The following CDKAL1 variants were observed in gnomAD, a reference collection of about 807,000 sequenced individuals.
CDKAL1 encodes the protein threonylcarbamoyladenosine tRNA methylthiotransferase.
In CDKAL1, 32 loss-of-function variants were observed where a neutral mutation model predicts 68.2. The ratio of observed to expected loss-of-function variants is 0.47; its 90% CI spans 0.35 to 0.63. CDKAL1 has a LOEUF of 0.63. CDKAL1 is among the 30% of genes least tolerant of loss of function. CDKAL1 has a pLI of 0.00. For synonymous variants in CDKAL1, 234 were observed against 244.3 expected, an observed-to-expected ratio of 0.96 and a Z score of 0.39; for missense variants, 606 against 696.7, an observed-to-expected ratio of 0.87 and a Z score of 1.47.
At chr6:20,639,839 T>C (rs918252147) in intron 4 of CDKAL1, among the ~76,000 whole-genome samples, 1 of 152,142 alleles carries the variant, frequency 6.6e-6, no homozygotes, top group Non-Finnish European at 1.5e-5. Flanking sequence ...CCCAACTAAT[T>C]TTTGTATTTT....
rs185084106 is a variant in CDKAL1, at chr6:21,015,677, A to T, written c.1055+15305A>T. On this transcript the variant is annotated intron_variant, in intron 11 of 15. Coordinates refer to ENST00000274695, the MANE Select transcript of CDKAL1 (RefSeq NM_017774.3). The stretch of plus-strand genomic sequence containing the variant: ...TGCGGTGGCTCACACCTGTAATCCC[A>T]GCACTTTGGGATGCTGAGGCAGGTG... Among the ~76,000 whole-genome samples the T allele has an allele frequency of 3.3e-3, 499 of 152,332 alleles. 2 individuals carry two copies. The highest frequency in any genetic ancestry group is 0.011 in the African/African-American group (456 of 41,582).
At chr6:21,151,528 A>T (rs553119257) in intron 13 of CDKAL1, among the ~76,000 whole-genome samples, 1 of 152,344 alleles carries the variant, frequency 6.6e-6, no homozygotes, top group African/African-American at 2.4e-5. Flanking sequence ...GAACTCAAAT[A>T]TCTACTAAAA....
chr6:20,762,172 A>G (rs1774498027), intron 7 of CDKAL1, among the ~76,000 whole-genome samples: 1 of 152,198 alleles, frequency 6.6e-6, no homozygotes, highest in Non-Finnish European at 1.5e-5. Context: ...TCTATGGGAA[A>G]TCATACAAGA....
intron 4 of CDKAL1, among the ~76,000 whole-genome samples, chr6:20,622,406 ATT>A (rs1767234595): frequency 6.6e-6 from 1 of 152,162 alleles, no homozygotes; most frequent in Non-Finnish European, 1.5e-5. Context: ...ATATTTGAGA[ATT>A]ATATCTGTTC....
rs967178520 is a variant in CDKAL1, at chr6:21,020,746, C to T, written c.1055+20374C>T. Among the ~76,000 whole-genome samples the T allele has an allele frequency of 6.0e-5, 9 of 149,928 alleles. No individual in the cohort carries two copies. The South Asian group carries it at 6.4e-4, about 11-fold the overall frequency. ...CCTCCCAAAGTGCTGGAATTACAGG[C>T]GTGAGCCACCGTGCCTGGCCTTTTT... On this transcript the variant is annotated intron_variant, in intron 11 of 15. Coordinates refer to ENST00000274695, the MANE Select transcript of CDKAL1 (RefSeq NM_017774.3).
chr6:20,549,826 C>T (rs1224163878), intron 4 of CDKAL1, among the ~76,000 whole-genome samples: 2 of 151,896 alleles, frequency 1.3e-5, no homozygotes, highest in African/African-American at 2.4e-5. Context: ...AGGCTAGTCT[C>T]GAACTCCTCA....
rs1183280421 is a variant in CDKAL1, at chr6:20,785,818, G to T, written c.638+4553G>T. ...TTTTCATTTTTCGTTTAGGAAAAGGGTCCCATTTGTAGCAACTTTTATTGT... is the reference window on the plus strand; with the variant it reads ...TTTTCATTTTTCGTTTAGGAAAAGGTTCCCATTTGTAGCAACTTTTATTGT... On this transcript the variant is annotated intron_variant, in intron 8 of 15. Coordinates refer to ENST00000274695, the MANE Select transcript of CDKAL1 (RefSeq NM_017774.3). 2.0e-5 allele frequency among the ~76,000 whole-genome samples: 3 copies of T among 152,178 alleles called. No homozygotes were observed. The East Asian group carries it at 5.8e-4, about 29-fold the overall frequency.
intron 4 of CDKAL1, among the ~76,000 whole-genome samples, chr6:20,597,811 G>T (rs111940687): frequency 0.032 from 4,920 of 152,252 alleles, 109 homozygotes; most frequent in Non-Finnish European, 0.045. Context: ...TTAATCTATT[G>T]TAATATTTAA....
chr6:21,082,506 T>C (rs1045017238), intron 12 of CDKAL1, among the ~76,000 whole-genome samples: 1 of 152,238 alleles, frequency 6.6e-6, no homozygotes, highest in Admixed American at 6.5e-5. Flanking sequence ...GACTTCATTC[T>C]TTCTTATTGG....
chr6:21,140,576 G>C (rs192743608), intron 13 of CDKAL1, among the ~76,000 whole-genome samples: 39 of 152,294 alleles, frequency 2.6e-4, no homozygotes, highest in African/African-American at 9.4e-4. Context: ...ACTCTATCAA[G>C]GGGCTATATG....
chr6:20,991,852 T>TAAAA (rs550170759), intron 10 of CDKAL1, among the ~76,000 whole-genome samples: 1 of 141,552 alleles, frequency 7.1e-6, no homozygotes, highest in African/African-American at 2.6e-5. Context: ...CCTGTCTCTT[T>TAAAA]AAAAAAAAAA....
At position 20,947,316 on chromosome 6, in the gene CDKAL1, C is replaced by T. The variant is rs138013374; in HGVS notation, c.743-8103C>T. On this transcript the variant is annotated intron_variant, in intron 9 of 15. Coordinates refer to ENST00000274695, the MANE Select transcript of CDKAL1 (RefSeq NM_017774.3). ...GTTGAAAATGCATTTAAAGGCCAGG[C>T]TCATTGGCTCACACCTGTAATCTCA... Among the ~76,000 whole-genome samples the T allele has an allele frequency of 3.2e-3, 488 of 152,270 alleles. 5 individuals are homozygous for T. Among genetic ancestry groups the T allele is most frequent in the African/African-American group, 0.01 (419 of 41,556 alleles).
chr6:20,824,370 T>C (rs958438377), intron 8 of CDKAL1, among the ~76,000 whole-genome samples: 14 of 152,138 alleles, frequency 9.2e-5, no homozygotes, highest in African/African-American at 3.4e-4. Context: ...AGTCAATAGC[T>C]CGGGCATAAT....
intron 13 of CDKAL1, among the ~76,000 whole-genome samples, chr6:21,184,825 T>TTC (rs1173704769): frequency 2.6e-4 from 36 of 139,028 alleles, no homozygotes; most frequent in Middle Eastern, 3.7e-3. Context: ...TGCAGCTAAT[T>TTC]TTTTTTTTTT....
intron 5 of CDKAL1, among the ~76,000 whole-genome samples, chr6:20,686,307 G>C (rs1205577465): frequency 6.6e-6 from 1 of 152,136 alleles, no homozygotes; most frequent in African/African-American, 2.4e-5. Context: ...AGCGGTGGGT[G>C]AGTGAGCCAA....
At chr6:20,600,773 T>TATATATATATATATATATATATAC (rs1174832369) in intron 4 of CDKAL1, among the ~76,000 whole-genome samples, 3 of 143,426 alleles carry the variant, frequency 2.1e-5, no homozygotes, top group African/African-American at 8.0e-5. Context: ...TATGTATACA[T>TATATATATATATATATATATATAC]ATATATATAT....
chr6:21,087,798 GCA>G (rs78109055), intron 12 of CDKAL1, among the ~76,000 whole-genome samples: 8 of 150,792 alleles, frequency 5.3e-5, no homozygotes, highest in East Asian at 1.9e-4. Context: ...ATGCATGCGT[GCA>G]CACACACACA....
Position 21,231,322 on chromosome 6 carries a change from T to C in CDKAL1, c.*283T>C. On this transcript the variant is annotated 3_prime_UTR_variant, in exon 16 of 16. Coordinates refer to ENST00000274695, the MANE Select transcript of CDKAL1 (RefSeq NM_017774.3). ...AAATGCAAGCGGTTGCATTTTTTTC[T>C]GTTTGTTTCAATCTCTAATCTTTAA... The C allele has an allele frequency of 3.7e-6, 1 of 270,204 alleles. No homozygotes were observed. The highest frequency in any genetic ancestry group is 2.2e-5 in the African/African-American group (1 of 45,848). The allele number at this position is 270,204 out of a possible 1,614,324, so 16.7% of individuals were successfully genotyped here.
intron 9 of CDKAL1, among the ~76,000 whole-genome samples, chr6:20,901,815 C>T (rs1393255868): frequency 2.6e-5 from 4 of 151,480 alleles, no homozygotes; most frequent in Admixed American, 1.3e-4. Context: ...CTCTCTCTGT[C>T]ATCCAGGCTG....
Sources: allele counts gnomAD v4.1 joint callset (sites outside exome capture counted in the v4.1 genomes callset), GRCh38; gene constraint gnomAD v4.1.1; transcripts MANE v1.5; gene names NCBI Gene and HGNC (gene_info 2026-07-23, HGNC 2026-07-21).